The following RNASEH1 variants were observed in gnomAD, a reference collection of about 807,000 sequenced individuals.
The protein encoded by RNASEH1 is ribonuclease H type II.
In RNASEH1, 27 loss-of-function variants were observed where a neutral mutation model predicts 34.6. The ratio of observed to expected loss-of-function variants is 0.78; its 90% CI spans 0.58 to 1.08. The LOEUF is 1.08. Ranked by LOEUF, RNASEH1 falls within the 50% of genes least tolerant of loss-of-function variation. The pLI is 0.00. For missense variants in RNASEH1, 349 were observed against 373.6 expected (o/e 0.93, Z 0.54); for synonymous variants, 162 against 138.4 (o/e 1.17, Z -1.20).
intron 1 of RNASEH1, chr2:3,557,907 T>C (rs950336877): frequency 2.0e-6 from 3 of 1,516,408 alleles, no homozygotes; most frequent in Non-Finnish European, 2.7e-6. Flanking sequence ...TTACGCGACG[T>C]TTCTGATATT....
chr2:3,536,571 G>A (rs115681821), downstream of RNASEH1, among the ~76,000 whole-genome samples: 2,083 of 152,278 alleles, frequency 0.014, 45 homozygotes, highest in African/African-American at 0.048. Context: ...CCCCTGCTCC[G>A]GGGCTGTCAG....
chr2:3,540,238 CATT>C (rs1376298135), downstream of RNASEH1, among the ~76,000 whole-genome samples: 6 of 152,206 alleles, frequency 3.9e-5, no homozygotes, highest in East Asian at 7.7e-4. Flanking sequence ...AATTATATAT[CATT>C]GTTAAGTTTC....
chr2:3,550,751 C>T (rs1659786933), intron 3 of RNASEH1, among the ~76,000 whole-genome samples: 1 of 152,204 alleles, frequency 6.6e-6, no homozygotes, highest in Non-Finnish European at 1.5e-5. Flanking sequence ...AACTACTGTT[C>T]ACATCCCACA....
At chr2:3,540,314 A>C (rs1366225988), downstream of RNASEH1, among the ~76,000 whole-genome samples, 3 of 152,118 alleles carry the variant, frequency 2.0e-5, no homozygotes, top group East Asian at 5.8e-4. Flanking sequence ...TTTAATAAAA[A>C]AAAAATTGCC....
chr2:3,542,148 A>C lies in RNASEH1; in HGVS notation c.*3637T>G, dbSNP rs1033682059. Reference sequence around the variant, plus strand: ...AGATAACAGGGATCCCCACAGAAAAAAGCCAAAGCAAGAAAAATGTAACAC... The same window carrying C: ...AGATAACAGGGATCCCCACAGAAAACAGCCAAAGCAAGAAAAATGTAACAC... On this transcript the variant is annotated 3_prime_UTR_variant, in exon 8 of 8. Coordinates refer to ENST00000315212, the MANE Select transcript of RNASEH1 (RefSeq NM_002936.6). 3.9e-5 allele frequency among the ~76,000 whole-genome samples: 6 copies of C among 152,304 alleles called. No individual in the cohort carries two copies. The highest frequency in any genetic ancestry group is 5.9e-5 in the Non-Finnish European group (4 of 68,032).
At position 3,554,098 on chromosome 2, in the gene RNASEH1, G is replaced by A. The variant is rs145326023; in HGVS notation, c.245-1790C>T. The stretch of plus-strand genomic sequence containing the variant: ...GAACAAGAAAATGTCCAGCCTAGTG[G>A]AGCTTCTCAACCCACACCTCTCGGA... On this transcript the variant is annotated intron_variant, in intron 2 of 7. Transcript: ENST00000315212. Among the ~76,000 whole-genome samples, 133 of 152,282 alleles carry A rather than the reference G, an allele frequency of 8.7e-4. 1 individual carries two copies. The highest frequency in any genetic ancestry group is 3.4e-3 in the Middle Eastern group (1 of 294).
At position 3,541,638 on chromosome 2, in the gene RNASEH1, A is replaced by G. The variant is rs962540854; in HGVS notation, c.*4147T>C. ...CAGTACTTGCTCTGCGATTCCACTC[A>G]GATAAAATTCTAGAATATATAAATT... is the stretch of plus-strand genomic sequence containing the variant. On this transcript the variant is annotated 3_prime_UTR_variant, in exon 8 of 8. Transcript: ENST00000315212. 2.6e-5 allele frequency among the ~76,000 whole-genome samples: 4 copies of G among 152,238 alleles called. No homozygotes were observed. Among genetic ancestry groups the G allele is most frequent in the Non-Finnish European group, 5.9e-5 (4 of 68,048 alleles).
the RNASEH1 span, chr2:3,533,716 A>G: frequency 6.6e-6 from 1 of 152,324 alleles, no homozygotes; most frequent in South Asian, 2.1e-4. Context: ...CGTACCTCCC[A>G]AAGAAATGGA....
At chr2:3,548,330 T>C (rs568567779) in intron 6 of RNASEH1, among the ~76,000 whole-genome samples, 91 of 152,304 alleles carry the variant, frequency 6.0e-4, no homozygotes, top group African/African-American at 2.0e-3. Context: ...ATCCCCTACA[T>C]GCTCCTATTC....
At chr2:3,554,349 TTACAG>T (rs1305495214) in intron 2 of RNASEH1, among the ~76,000 whole-genome samples, 5 of 152,116 alleles carry the variant, frequency 3.3e-5, no homozygotes, top group African/African-American at 9.7e-5. Flanking sequence ...GATGGACACT[TTACAG>T]AACAGATAAG....
chr2:3,549,202 T>C (rs1454658973), intron 4 of RNASEH1, 90 bp from the exon 5 acceptor site: 2 of 973,042 alleles, frequency 2.1e-6, no homozygotes, highest in Non-Finnish European at 3.3e-6. Context: ...CTAGTGTGTA[T>C]TCTTATTTGA....
At chr2:3,553,175 G>A (rs1660149658) in intron 2 of RNASEH1, among the ~76,000 whole-genome samples, 1 of 151,764 alleles carries the variant, frequency 6.6e-6, no homozygotes, top group Non-Finnish European at 1.5e-5. Context: ...GTGAACCCAG[G>A]AGGTGGAGCT....
At chr2:3,551,646 C>T (rs566052080) in intron 3 of RNASEH1, among the ~76,000 whole-genome samples, 1 of 152,272 alleles carries the variant, frequency 6.6e-6, no homozygotes, top group Admixed American at 6.5e-5. Flanking sequence ...GTGTAAAAGA[C>T]ACAAAGGAGA....
At chr2:3,553,113 T>A (rs111917045) in intron 2 of RNASEH1, among the ~76,000 whole-genome samples, 24,246 of 151,706 alleles carry the variant, frequency 0.16, 2,127 homozygotes, top group Admixed American at 0.24. Flanking sequence ...CCAGGCGTGA[T>A]GGCGGGCACC....
In RNASEH1 at chr2:3,556,879, G is replaced by C. The variant is rs552205074; in HGVS notation, c.154C>G (p.Arg52Gly). Residue 52 changes from arginine (R) to glycine (G), a missense_variant, in exon 2 of 8, where the codon CGG becomes GGG. Physicochemically the swap from Arg to Gly is moderately radical, Grantham distance 125. Around this residue, in one of 2 missense-constraint regions of RNASEH1, gnomAD observed 256 missense variants for 240.7 expected, o/e 1.06. Transcript: ENST00000315212. ...TTCTTAAATCTGGCAGCAGGAAACCGGTCCACCTGTGCTCTGCACTCATTC... is the reference window on the plus strand; with the variant it reads ...TTCTTAAATCTGGCAGCAGGAAACCCGTCCACCTGTGCTCTGCACTCATTC... ...TWNECRAQVDRFPAARFKKFA... is the reference protein window; with the variant it reads ...TWNECRAQVDGFPAARFKKFA... 2.2e-5 allele frequency: 35 copies of C among 1,613,730 alleles called. No individual in the cohort carries two copies. Among genetic ancestry groups the C allele is most frequent in the Non-Finnish European group, 3.0e-5 (35 of 1,179,744 alleles).
the RNASEH1 span, among the ~76,000 whole-genome samples, chr2:3,535,042 T>A: frequency 6.6e-6 from 1 of 152,048 alleles, no homozygotes; most frequent in Non-Finnish European, 1.5e-5. Flanking sequence ...TCTGGGAAGA[T>A]GAGAAGTTCT....
At chr2:3,556,708 A>G in intron 2 of RNASEH1, 81 bp downstream of exon 2, 1 of 857,368 alleles carries the variant, frequency 1.2e-6, no homozygotes, top group South Asian at 1.4e-5. Flanking sequence ...CCTAGAGGGT[A>G]GCTATATAGA....
chr2:3,534,529 T>G, the RNASEH1 span, among the ~76,000 whole-genome samples: 2 of 152,114 alleles, frequency 1.3e-5, no homozygotes, highest in Non-Finnish European at 2.9e-5. Flanking sequence ...TGTCTCTGAG[T>G]TTTGGGTGCC....
At chr2:3,547,811 T>C in intron 7 of RNASEH1, 120 bp downstream of exon 7, 1 of 997,976 alleles carries the variant, frequency 1.0e-6, no homozygotes. Flanking sequence ...ATATACATTA[T>C]GATATTAATA....
Sources: allele counts gnomAD v4.1 joint callset (sites outside exome capture counted in the v4.1 genomes callset), GRCh38; gene constraint gnomAD v4.1.1; regional missense constraint gnomAD v4.1.1; transcripts MANE v1.5; gene names NCBI Gene and HGNC (gene_info 2026-07-23, HGNC 2026-07-21).